The following DRC12 variants were observed in gnomAD, a reference collection of about 807,000 sequenced individuals.
The protein encoded by DRC12 is dynein regulatory complex protein 12.
chr11:119,190,498 G>T, the DRC12 span: 2 of 1,610,286 alleles, frequency 1.2e-6, no homozygotes. The surrounding 1 kb of genome is among the most constrained non-coding windows in gnomAD (Gnocchi z 4.2). Flanking sequence ...GAGAGGGAAG[G>T]AGTGAGTGCT....
chr11:119,194,737 C>G, the DRC12 span, among the ~76,000 whole-genome samples: 3 of 134,636 alleles, frequency 2.2e-5, no homozygotes, highest in Non-Finnish European at 4.7e-5. Flanking sequence ...AACAAACAAA[C>G]AAAAAAAACA....
At chr11:119,194,828 C>A in the DRC12 span, 1 of 888,658 alleles carries the variant, frequency 1.1e-6, no homozygotes, top group South Asian at 1.6e-5. Context: ...ACTTAACCCC[C>A]CACCATACCT....
the DRC12 span, chr11:119,194,895 C>T: frequency 2.5e-5 from 38 of 1,534,114 alleles, no homozygotes; most frequent in Middle Eastern, 1.0e-3. Context: ...CCCTGTTGCC[C>T]ACCCATGCCA....
the DRC12 span, chr11:119,190,616 A>T: frequency 6.4e-7 from 1 of 1,564,624 alleles, no homozygotes; most frequent in Non-Finnish European, 8.7e-7. This position sits in a 1 kb window ranked among gnomAD's most constrained non-coding sequence, Gnocchi z 4.2. Context: ...CTTCTCCTTA[A>T]CCCTGGGTTG....
At chr11:119,194,807 G>T in the DRC12 span, 7 of 605,506 alleles carry the variant, frequency 1.2e-5, no homozygotes, top group Non-Finnish European at 2.1e-5. Flanking sequence ...ACTAGGGGAT[G>T]GTTAGGGTCA....
chr11:119,193,421 A>T, the DRC12 span: 1 of 855,212 alleles, frequency 1.2e-6, no homozygotes, highest in Non-Finnish European at 1.8e-6. Flanking sequence ...TGAGGAAGGG[A>T]CAGGAAGCCC....
the DRC12 span, chr11:119,194,827 C>A: frequency 1.1e-6 from 1 of 883,022 alleles, no homozygotes; most frequent in Non-Finnish European, 1.8e-6. Context: ...AACTTAACCC[C>A]CCACCATACC....
chr11:119,193,935 T>C, the DRC12 span: 1 of 1,530,520 alleles, frequency 6.5e-7, no homozygotes, highest in Non-Finnish European at 8.8e-7. Flanking sequence ...TCCCACTAAA[T>C]CAGCCCCCAT....
the DRC12 span, among the ~76,000 whole-genome samples, chr11:119,191,875 T>C: frequency 2.6e-5 from 4 of 151,746 alleles, no homozygotes; most frequent in African/African-American, 7.3e-5. Flanking sequence ...AATTGAGTCA[T>C]TGATTGACTT....
At chr11:119,194,544 AAT>A in the DRC12 span, among the ~76,000 whole-genome samples, 3 of 133,684 alleles carry the variant, frequency 2.2e-5, no homozygotes, top group South Asian at 2.4e-4. Flanking sequence ...AAAAAAAAAA[AAT>A]AAATAAATAA....
the DRC12 span, among the ~76,000 whole-genome samples, chr11:119,194,542 A>AAAAAAAAT: frequency 1.9e-4 from 9 of 48,214 alleles, no homozygotes; most frequent in African/African-American, 6.9e-4. Flanking sequence ...AAAAAAAAAA[A>AAAAAAAAT]AAATAAATAA....
the DRC12 span, chr11:119,193,537 T>C: frequency 7.2e-7 from 1 of 1,391,674 alleles, no homozygotes; most frequent in South Asian, 1.5e-5. Context: ...CTACACAGCA[T>C]CAAGCACATG....
the DRC12 span, among the ~76,000 whole-genome samples, chr11:119,192,451 T>G: frequency 7.1e-4 from 108 of 152,326 alleles, no homozygotes; most frequent in African/African-American, 2.5e-3. Flanking sequence ...TGGTGAACAG[T>G]TATTTAGGAT....
the DRC12 span, chr11:119,195,331 T>A: frequency 8.4e-7 from 1 of 1,186,792 alleles, no homozygotes. Flanking sequence ...CATCCTGTCC[T>A]GCAGAAGGCT....
the DRC12 span, among the ~76,000 whole-genome samples, chr11:119,192,618 T>C: frequency 6.6e-6 from 1 of 151,910 alleles, no homozygotes; most frequent in Admixed American, 6.6e-5. Context: ...GAGGAGGAAA[T>C]GGGGTGTGAG....
At chr11:119,195,755 T>C in the DRC12 span, 2 of 401,150 alleles carry the variant, frequency 5.0e-6, no homozygotes, top group Non-Finnish European at 9.0e-6. Context: ...TCCCTGTACC[T>C]GCTCCCCTCC....
At chr11:119,195,619 C>G in the DRC12 span, 2 of 700,074 alleles carry the variant, frequency 2.9e-6, no homozygotes, top group South Asian at 1.8e-5. Context: ...TCAGAAAAGT[C>G]AGTTCACAGT....
chr11:119,193,195 C>A, the DRC12 span: 1 of 1,614,172 alleles, frequency 6.2e-7, no homozygotes, highest in African/African-American at 1.3e-5. Context: ...CAGCTGCTTG[C>A]TGCGGGTTTG....
At chr11:119,194,725 A>AAAAC in the DRC12 span, among the ~76,000 whole-genome samples, 16 of 148,484 alleles carry the variant, frequency 1.1e-4, no homozygotes, top group Admixed American at 2.8e-4. Flanking sequence ...AAAAAAACAA[A>AAAAC]AAACAAACAA....
Sources: allele counts gnomAD v4.1 joint callset (sites outside exome capture counted in the v4.1 genomes callset), GRCh38; gene constraint gnomAD v4.1.1; non-coding constraint Gnocchi (gnomAD v3.1); transcripts MANE v1.5; gene names NCBI Gene and HGNC (gene_info 2026-07-23, HGNC 2026-07-21).